CLTCL1: variants seen among roughly 807,000 people sequenced by gnomAD.
The protein encoded by CLTCL1 is clathrin heavy chain 2.
A neutral mutation model predicts 190.0 loss-of-function variants in CLTCL1; 159 were observed. The observed-to-expected ratio is 0.84, with a 90% CI of 0.74 to 0.95. CLTCL1 has a LOEUF of 0.95. CLTCL1 is among the 40% of genes least tolerant of loss of function. CLTCL1 has a pLI of 0.00. For synonymous variants in CLTCL1, 752 were observed against 769.6 expected (o/e 0.98, Z 0.38); for missense variants, 1,878 against 2,033.4 (o/e 0.92, Z 1.47).
chr22:19,271,750 C>T (rs1281557637), intron 2 of CLTCL1, among the ~76,000 whole-genome samples: 1 of 152,152 alleles, frequency 6.6e-6, no homozygotes, highest in Non-Finnish European at 1.5e-5. Context: ...CCAACTTTCC[C>T]TATAAAAGGA....
chr22:19,254,102 CG>C lies in CLTCL1; in HGVS notation c.375del (p.Ala126ArgfsTer14). On this transcript the variant is annotated frameshift_variant, in exon 3 of 33. Coordinates refer to ENST00000427926, the MANE Select transcript of CLTCL1 (RefSeq NM_007098.4). LOFTEE classifies it high-confidence loss of function. ...CCTTCCATGCTCCAGTGGTAGACCGCGGTCTCGGTCACCAAGGCAACAGTGT... is the reference window on the plus strand; with the variant it reads ...CCTTCCATGCTCCAGTGGTAGACCGCGTCTCGGTCACCAAGGCAACAGTGT... Reference protein sequence around the residue: ...SVNTVALVTETAVYHWSMEGD... With the variant: ...SVNTVALVTEXAVYHWSMEGD... 1.2e-6 allele frequency: 2 copies of C among 1,613,082 alleles called. No homozygotes were observed. The highest frequency in any genetic ancestry group is 1.7e-6 in the Non-Finnish European group (2 of 1,179,424).
At position 19,191,338 on chromosome 22, in the gene CLTCL1, A is replaced by T. The variant is rs1601454461; in HGVS notation, c.4289T>A (p.Leu1430Gln). ...GAAACTGACTGTCCAGGTGTGGTCCAGCCGGGGTGAAAGCACCAGCAGCAG... is the reference window on the plus strand; with the variant it reads ...GAAACTGACTGTCCAGGTGTGGTCCTGCCGGGGTGAAAGCACCAGCAGCAG... The part of the protein sequence containing the change: ...NDLLLVLSPR[L>Q]DHTWTVSFFS... The change falls in exon 27 of 33, where the codon CTG becomes CAG. Residue 1430 changes from leucine to glutamine, a missense_variant. Transcript: ENST00000427926. 1 of 1,613,918 alleles carries T rather than the reference A, an allele frequency of 6.2e-7. No homozygotes were observed. Among genetic ancestry groups the T allele is most frequent in the African/African-American group, 1.3e-5 (1 of 74,940 alleles).
At chr22:19,217,716 C>T (rs2085433802) in intron 18 of CLTCL1, among the ~76,000 whole-genome samples, 1 of 150,550 alleles carries the variant, frequency 6.6e-6, no homozygotes, top group Non-Finnish European at 1.5e-5. Context: ...GGCGTGGCGG[C>T]AGGTGCCTGT....
intron 1 of CLTCL1, among the ~76,000 whole-genome samples, chr22:19,281,349 A>G (rs1203868407): frequency 6.6e-6 from 1 of 151,960 alleles, no homozygotes; most frequent in Non-Finnish European, 1.5e-5. Context: ...TGATGGCTGC[A>G]TAACAATTTG....
Position 19,215,016 on chromosome 22 carries a change from C to T in CLTCL1, c.3065+1095G>A, listed in dbSNP as rs12166539. Among the ~76,000 whole-genome samples, 730 of 152,258 alleles carry T rather than the reference C, an allele frequency of 4.8e-3. 6 individuals are homozygous for T. Among genetic ancestry groups the T allele is most frequent in the African/African-American group, 0.016 (659 of 41,522 alleles). On this transcript the variant is annotated intron_variant, in intron 19 of 32. Transcript: ENST00000427926. ...TGAAATCATCAATGAAAGAAGAGCACGAACTTGAGGTTACCTGCATGTTTG... is the reference window on the plus strand; with the variant it reads ...TGAAATCATCAATGAAAGAAGAGCATGAACTTGAGGTTACCTGCATGTTTG...
rs189259951 is a variant in CLTCL1 at position 19,235,475 on chromosome 22, C to T, written c.969+221G>A. Among the ~76,000 whole-genome samples the T allele has an allele frequency of 8.5e-4, 129 of 152,244 alleles. 1 individual carries two copies. The Middle Eastern group carries it at 0.014, about 16-fold the overall frequency. On this transcript the variant is annotated intron_variant, in intron 6 of 32. Coordinates refer to ENST00000427926, the MANE Select transcript of CLTCL1 (RefSeq NM_007098.4). ...TGTGCATCAGAACTGCTGTTCTATA[C>T]GCAGGAAGGAGCTGCTCTCCTCCTG...
At chr22:19,187,299 C>T (rs1555928754) in intron 29 of CLTCL1, among the ~76,000 whole-genome samples, 1 of 152,124 alleles carries the variant, frequency 6.6e-6, no homozygotes, top group East Asian at 1.9e-4. Context: ...AAAACTGCTG[C>T]GAAAAGAATC....
intron 19 of CLTCL1, among the ~76,000 whole-genome samples, chr22:19,215,698 C>T (rs918184593): frequency 1.3e-5 from 2 of 152,232 alleles, no homozygotes; most frequent in South Asian, 4.1e-4. Context: ...CATTATACTT[C>T]GGGCAAGTCT....
At chr22:19,286,084 C>G (rs142679350) in intron 1 of CLTCL1, among the ~76,000 whole-genome samples, 291 of 152,286 alleles carry the variant, frequency 1.9e-3, no homozygotes, top group African/African-American at 6.6e-3. Flanking sequence ...CAGAGAGGAA[C>G]CTTGACTCAG....
At chr22:19,194,514 GA>G (rs1407716089) in intron 26 of CLTCL1, among the ~76,000 whole-genome samples, 9 of 152,140 alleles carry the variant, frequency 5.9e-5, no homozygotes, top group Non-Finnish European at 1.3e-4. Flanking sequence ...AAAAAGAAGA[GA>G]AAACTGAAGC....
chr22:19,287,667 A>G (rs1208026774), intron 1 of CLTCL1, among the ~76,000 whole-genome samples: 1 of 152,206 alleles, frequency 6.6e-6, no homozygotes, highest in African/African-American at 2.4e-5. Flanking sequence ...GAGGGATGGC[A>G]TAGTTTAGGG....
chr22:19,250,606 T>A (rs1601645839), intron 3 of CLTCL1, among the ~76,000 whole-genome samples: 1 of 151,706 alleles, frequency 6.6e-6, no homozygotes, highest in Non-Finnish European at 1.5e-5. Flanking sequence ...CAGGCTGGAG[T>A]GTAGTGGTGC....
At chr22:19,236,920 T>C (rs1338208529) in intron 5 of CLTCL1, among the ~76,000 whole-genome samples, 2 of 152,178 alleles carry the variant, frequency 1.3e-5, no homozygotes, top group African/African-American at 4.8e-5. Flanking sequence ...TATCTTACTC[T>C]TTAGATCAAA....
chr22:19,180,879 G>C (rs1427028658), intron 30 of CLTCL1, 73 bp from the exon 31 acceptor site: 3 of 1,347,754 alleles, frequency 2.2e-6, no homozygotes, highest in African/African-American at 1.4e-5. Context: ...AAGTGGAGTG[G>C]AAGGTCAGGA....
At chr22:19,287,593 A>AAC (rs1555990881) in intron 1 of CLTCL1, among the ~76,000 whole-genome samples, 7 of 152,086 alleles carry the variant, frequency 4.6e-5, no homozygotes, top group Non-Finnish European at 1.0e-4. Flanking sequence ...TGTGCTGGAG[A>AAC]ATGGATCACA....
In CLTCL1 at chr22:19,208,591, G is replaced by A. The variant is rs182926668; in HGVS notation, c.3443-280C>T. Reference sequence around the variant, plus strand: ...GCTTGTTCTGGACATCAGAGAGGTCGGTGCCACAATCAACTTGAAACACCA... The same window carrying A: ...GCTTGTTCTGGACATCAGAGAGGTCAGTGCCACAATCAACTTGAAACACCA... On this transcript the variant is annotated intron_variant, in intron 21 of 32. Transcript: ENST00000427926. Among the ~76,000 whole-genome samples, 345 of 151,916 alleles carry A rather than the reference G, an allele frequency of 2.3e-3. 1 individual carries two copies. The highest frequency in any genetic ancestry group is 3.8e-3 in the Non-Finnish European group (257 of 67,980).
intron 3 of CLTCL1, among the ~76,000 whole-genome samples, chr22:19,252,854 A>T (rs111412593): frequency 6.6e-6 from 1 of 152,086 alleles, no homozygotes; most frequent in Non-Finnish European, 1.5e-5. Flanking sequence ...CTCTACTAAA[A>T]ATACAAAAAA....
chr22:19,225,410 G>T, intron 13 of CLTCL1, 43 bp downstream of exon 13: 2 of 1,516,348 alleles, frequency 1.3e-6, no homozygotes, highest in East Asian at 2.4e-5. Flanking sequence ...GAGAAAGGAG[G>T]TGTAGTCACA....
intron 30 of CLTCL1, chr22:19,181,999 C>CA (rs1350508498): frequency 3.3e-5 from 5 of 152,262 alleles, no homozygotes; most frequent in African/African-American, 1.2e-4. Flanking sequence ...ATGTGCGCCT[C>CA]AAAGTCCTGG....
Sources: gnomAD v4.1 joint callset for allele counts (sites outside exome capture counted in the v4.1 genomes callset) on GRCh38, gnomAD v4.1.1 for gene constraint, MANE v1.5 for transcripts, NCBI Gene and HGNC (gene_info 2026-07-23, HGNC 2026-07-21) for gene names.